The following LARP4B variants were observed in gnomAD, a reference collection of about 807,000 sequenced individuals.
LARP4B encodes la-related protein 4B.
Under a neutral mutation model 89.8 loss-of-function variants are expected in LARP4B, and 12 were observed. The ratio of observed to expected loss-of-function variants is 0.13; its 90% confidence interval spans 0.09 to 0.22. The LOEUF (loss-of-function observed/expected upper bound fraction) is 0.22, where lower values mean the gene tolerates loss of function less well. Ranked by LOEUF, LARP4B falls within the 10% of genes least tolerant of loss-of-function variation. LARP4B has a pLI of 1.00. For synonymous variants in LARP4B, 367 were observed against 363.3 expected, an observed-to-expected ratio of 1.01 and a Z score of -0.12; for missense variants, 757 against 947.7, an observed-to-expected ratio of 0.80 and a Z score of 2.64.
intron 5 of LARP4B, among the ~76,000 whole-genome samples, chr10:855,037 A>C (rs1834235686): frequency 6.6e-6 from 1 of 152,196 alleles, no homozygotes. Context: ...TGTGAGCTTC[A>C]AACTTTTCTT....
chr10:873,167 G>A (rs1285834627), intron 3 of LARP4B: 6 of 984,822 alleles, frequency 6.1e-6, no homozygotes, highest in Non-Finnish European at 7.2e-6. Flanking sequence ...ACAAGCACAC[G>A]ACAGGCGTGC....
chr10:867,558 G>A (rs1182560157), intron 3 of LARP4B, among the ~76,000 whole-genome samples: 1 of 152,068 alleles, frequency 6.6e-6, no homozygotes, highest in Non-Finnish European at 1.5e-5. Flanking sequence ...ACTCTAAATG[G>A]TTATCAAGAA....
the LARP4B span, among the ~76,000 whole-genome samples, chr10:957,953 C>T: frequency 1.4e-3 from 208 of 152,066 alleles, 4 homozygotes; most frequent in Non-Finnish European, 1.9e-3. Context: ...TGCACCACCA[C>T]GCCTGGCTGA....
Position 812,915 on chromosome 10 carries a change from A to G in LARP4B, c.*11T>C. 6.6e-7 allele frequency: 1 copy of G among 1,525,628 alleles called. No individual in the cohort carries two copies. Among genetic ancestry groups the G allele is most frequent in the South Asian group, 1.3e-5 (1 of 75,800 alleles). The allele number at this position is 1,525,628 out of a possible 1,614,324, so 94.5% of individuals were successfully genotyped here. A position where few individuals can be genotyped will look rare whatever the true frequency, so the allele number is the denominator to read the frequency against. On this transcript the variant is annotated 3_prime_UTR_variant, in exon 18 of 18. Transcript: ENST00000316157. ...CACAGCGCTCTGCGACCCCTCCCAG[A>G]CGTACGGTTTTCACTGAGGAGACTT...
chr10:947,464 G>C, the LARP4B span, among the ~76,000 whole-genome samples: 1 of 152,140 alleles, frequency 6.6e-6, no homozygotes, highest in Non-Finnish European at 1.5e-5. Flanking sequence ...CAGAAAGGAC[G>C]AAAGAAGTGA....
the LARP4B span, among the ~76,000 whole-genome samples, chr10:940,632 G>A: frequency 3.3e-5 from 5 of 152,266 alleles, no homozygotes; most frequent in Non-Finnish European, 7.3e-5. Context: ...ACAGTGGAAA[G>A]AAAGTTTTTG....
At chr10:969,043 G>C in the LARP4B span, among the ~76,000 whole-genome samples, 1 of 152,342 alleles carries the variant, frequency 6.6e-6, no homozygotes, top group Non-Finnish European at 1.5e-5. Context: ...TATCTTAAGA[G>C]AGACTTGGGC....
chr10:841,090 T>G (rs1048950042), intron 7 of LARP4B, among the ~76,000 whole-genome samples: 72 of 152,202 alleles, frequency 4.7e-4, no homozygotes, highest in Non-Finnish European at 1.0e-4. Flanking sequence ...GGAGGCAGAG[T>G]TGCGATGAGC....
upstream of LARP4B, among the ~76,000 whole-genome samples, chr10:933,865 C>T (rs1364743945): frequency 1.3e-5 from 2 of 151,894 alleles, no homozygotes; most frequent in African/African-American, 2.4e-5. Flanking sequence ...CTGACTCTCC[C>T]TCTGTCACCC....
At chr10:892,774 T>C (rs565136710) in intron 1 of LARP4B, among the ~76,000 whole-genome samples, 316 of 152,072 alleles carry the variant, frequency 2.1e-3, no homozygotes, top group African/African-American at 7.2e-3. Flanking sequence ...CTCCTGACCT[T>C]GTGATCCACC....
At chr10:981,086 C>T in the LARP4B span, among the ~76,000 whole-genome samples, 2 of 152,216 alleles carry the variant, frequency 1.3e-5, no homozygotes, top group Admixed American at 1.3e-4. Context: ...GTTCAAACTT[C>T]CACAGATCCC....
the LARP4B span, among the ~76,000 whole-genome samples, chr10:968,546 T>G: frequency 5.8e-4 from 86 of 147,810 alleles, no homozygotes; most frequent in African/African-American, 2.3e-3. Flanking sequence ...ATGAGGGTCC[T>G]CTAATCTAAG....
chr10:939,743 T>C, the LARP4B span, among the ~76,000 whole-genome samples: 1 of 152,228 alleles, frequency 6.6e-6, no homozygotes, highest in African/African-American at 2.4e-5. Context: ...AGTTGAGGAT[T>C]GGATGTTTCA....
intron 1 of LARP4B, among the ~76,000 whole-genome samples, chr10:916,485 C>G (rs1393326884): frequency 6.6e-6 from 1 of 152,102 alleles, no homozygotes; most frequent in African/African-American, 2.4e-5. Flanking sequence ...CACCTGAGGT[C>G]AGGAGTTCGA....
At chr10:842,650 G>A (rs1343951702) in intron 7 of LARP4B, among the ~76,000 whole-genome samples, 4 of 152,256 alleles carry the variant, frequency 2.6e-5, no homozygotes, top group South Asian at 2.1e-4. Flanking sequence ...TTTCATGAAT[G>A]AAACAGCTAT....
At chr10:883,120 A>T (rs985046170) in intron 3 of LARP4B, among the ~76,000 whole-genome samples, 3 of 152,242 alleles carry the variant, frequency 2.0e-5, no homozygotes, top group African/African-American at 7.2e-5. Context: ...TGAAGCAAAC[A>T]AACTCCCTTA....
At chr10:895,637 T>TACTCC (rs1401805091) in intron 1 of LARP4B, among the ~76,000 whole-genome samples, 2 of 139,552 alleles carry the variant, frequency 1.4e-5, no homozygotes, top group Admixed American at 7.5e-5. Context: ...CGCACCACTA[T>TACTCC]ACTCCAGCCT....
chr10:972,751 G>T, the LARP4B span: 1 of 456,756 alleles, frequency 2.2e-6, no homozygotes, highest in African/African-American at 2.0e-5. Flanking sequence ...ATGACATAAG[G>T]CAGAGAAAAG....
intron 1 of LARP4B, among the ~76,000 whole-genome samples, chr10:893,523 A>T (rs1436806458): frequency 6.6e-6 from 1 of 152,164 alleles, no homozygotes; most frequent in East Asian, 1.9e-4. Context: ...ATTACCACTG[A>T]TATCCTTTTC....
Sources: gnomAD v4.1 joint callset for allele counts (sites outside exome capture counted in the v4.1 genomes callset) on GRCh38, gnomAD v4.1.1 for gene constraint, MANE v1.5 for transcripts, NCBI Gene and HGNC (gene_info 2026-07-23, HGNC 2026-07-21) for gene names.